The following MAP1A variants were observed in gnomAD, a reference collection of about 807,000 sequenced individuals.
The protein encoded by MAP1A is microtubule associated protein 1A.
In MAP1A, 42 loss-of-function variants were observed where a neutral mutation model predicts 185.9. The observed-to-expected ratio is 0.23, with a 90% CI of 0.18 to 0.29. The LOEUF (loss-of-function observed/expected upper bound fraction) is 0.29, where lower values mean the gene tolerates loss of function less well. Among genes scored for constraint, MAP1A ranks in the 10% least tolerant of loss-of-function variants. The probability of loss-of-function intolerance (pLI) is 1.00; values close to 1 mark genes in which losing one functional copy is unlikely to be tolerated. For synonymous variants in MAP1A, 1,229 were observed against 1,335.9 expected (o/e 0.92, Z 1.74); for missense variants, 2,995 against 3,450.4 (o/e 0.87, Z 3.31).
chr15:43,512,212 C>T, exon 2 of MAP1A: 1 of 1,548,742 alleles, frequency 6.5e-7, no homozygotes, highest in Non-Finnish European at 8.7e-7. Context: ...GGAACATTGA[C>T]CTGTCATCCT....
chr15:43,526,203 A>T lies in MAP1A; in HGVS notation c.4730A>T (p.Gln1577Leu). The T allele has an allele frequency of 6.2e-7, 1 of 1,613,682 alleles. No homozygotes were observed. Among genetic ancestry groups the T allele is most frequent in the Non-Finnish European group, 8.5e-7 (1 of 1,179,928 alleles). ...ATTCAGGCTCTGGAAGAGAACCACCAAACTCAGGAGCAGGAGAGCCTAGTG... is the reference window on the plus strand; with the variant it reads ...ATTCAGGCTCTGGAAGAGAACCACCTAACTCAGGAGCAGGAGAGCCTAGTG... The part of the protein sequence containing the change: ...QNIQALEENH[Q>L]TQEQESLVQE... The change falls in exon 4 of 6, where the codon CAA becomes CTA. Residue 1577 changes from glutamine (Q) to leucine (L), a missense_variant. By Grantham distance (113) the Gln-to-Leu change is moderately radical (BLOSUM62 -2). Transcript: ENST00000300231. This position sits in a 1 kb window ranked among gnomAD's most constrained non-coding sequence, Gnocchi z 4.7.
chr15:43,527,385 A>T lies in MAP1A; in HGVS notation c.5912A>T (p.Tyr1971Phe). The T allele has an allele frequency of 6.2e-7, 1 of 1,614,206 alleles. No homozygotes were observed. The highest frequency in any genetic ancestry group is 8.5e-7 in the Non-Finnish European group (1 of 1,180,010). Reference protein sequence around the residue: ...DERSFQYADIYEQMMLTGLGP... With the variant: ...DERSFQYADIFEQMMLTGLGP... ...AGAAGCTTTCAGTATGCAGACATCT[A>T]TGAGCAGATGATGCTTACTGGGCTT... Residue 1971 changes from tyrosine to phenylalanine, a missense_variant, in exon 4 of 6, where the codon TAT becomes TTT. This residue lies in a region of MAP1A where 2,728 missense variants were observed against 2,986.0 expected (regional missense o/e 0.91). Transcript: ENST00000300231.
At position 43,528,662 on chromosome 15, in the gene MAP1A, G is replaced by C. The variant is rs1249800383; in HGVS notation, c.7189G>C (p.Ala2397Pro). ...GGAACGTGGGGCCTGGCCTGAAGGA[G>C]CTGAGAGGAGCTCCCGGCCTGACAC... ...AWERGAWPEGAERSSRPDTLL... is the reference protein window; with the variant it reads ...AWERGAWPEGPERSSRPDTLL... Residue 2397 changes from alanine (A) to proline (P), a missense_variant, in exon 4 of 6, where the codon GCT becomes CCT. This residue lies in a region of MAP1A where 2,728 missense variants were observed against 2,986.0 expected (regional missense o/e 0.91). Transcript: ENST00000300231. 1 of 1,613,370 alleles carries C rather than the reference G, an allele frequency of 6.2e-7. No individual in the cohort carries two copies. Among genetic ancestry groups the C allele is most frequent in the Non-Finnish European group, 8.5e-7 (1 of 1,179,898 alleles).
At position 43,523,856 on chromosome 15, in the gene MAP1A, C is replaced by G. The variant is rs763543422; in HGVS notation, c.2383C>G (p.Pro795Ala). Residue 795 changes from proline to alanine, a missense_variant, in exon 4 of 6, where the codon CCT becomes GCT. This residue lies in a region of MAP1A where 2,728 missense variants were observed against 2,986.0 expected (regional missense o/e 0.91). Transcript: ENST00000300231. ...CAGCCAACCTGCCGATAGTGCTGTT[C>G]CTGCTACCTCTGGCAAAGTCTATGG... The part of the protein sequence containing the change: ...EASQPADSAV[P>A]ATSGKVYGTP... The G allele has an allele frequency of 1.2e-6, 2 of 1,614,186 alleles. No homozygotes were observed. Among genetic ancestry groups the G allele is most frequent in the Admixed American group, 1.7e-5 (1 of 60,026 alleles).
At chr15:43,511,298 A>G in intron 1 of MAP1A, 1 of 1,183,320 alleles carries the variant, frequency 8.5e-7, no homozygotes. Context: ...TTCAACTACC[A>G]ATGCATACGT....
chr15:43,511,334 T>G, intron 1 of MAP1A: 1 of 837,542 alleles, frequency 1.2e-6, no homozygotes, highest in Non-Finnish European at 1.9e-6. Flanking sequence ...TAGTGTGCAC[T>G]TCCTGAGATC....
chr15:43,525,130 A>C lies in MAP1A; in HGVS notation c.3657A>C (p.Pro1219=). ...SLDVSSKQLS[P]ESLGTLQFGE... ...ATGTCTCTTCTAAGCAGCTCTCTCC[A>C]GAAAGCCTTGGCACCCTCCAGTTTG... The change falls in exon 4 of 6, where the codon CCA becomes CCC. Residue 1219 remains proline, a synonymous_variant. Coordinates refer to ENST00000300231, the MANE Select transcript of MAP1A (RefSeq NM_002373.6). 2 of 1,614,240 alleles carry C rather than the reference A, an allele frequency of 1.2e-6. No homozygotes were observed. The highest frequency in any genetic ancestry group is 1.7e-6 in the Non-Finnish European group (2 of 1,180,044).
chr15:43,520,014 C>T (rs141989949), intron 1 of MAP1A, among the ~76,000 whole-genome samples: 365 of 152,200 alleles, frequency 2.4e-3, no homozygotes, highest in Non-Finnish European at 3.8e-3. Flanking sequence ...CTCTGAGGAA[C>T]CAGAGGACAG....
rs2079368637 is a variant in MAP1A, at chr15:43,530,755, G to A, written c.*531G>A. 1 of 166,048 alleles carries A rather than the reference G, an allele frequency of 6.0e-6. No individual in the cohort carries two copies. Among genetic ancestry groups the A allele is most frequent in the Admixed American group, 5.5e-5 (1 of 18,162 alleles). 10.3% of individuals were successfully genotyped at this position (166,048 alleles called of 1,614,324 possible). On this transcript the variant is annotated 3_prime_UTR_variant, in exon 6 of 6. Coordinates refer to ENST00000300231, the MANE Select transcript of MAP1A (RefSeq NM_002373.6). ...ACCACCAGGGTCTGAGTTCTAGCAG[G>A]GTCCTGGGGGTATCCCACTGCTATA...
At position 43,529,043 on chromosome 15, in the gene MAP1A, T is replaced by C; in HGVS notation, c.7570T>C (p.Ser2524Pro). The C allele has an allele frequency of 6.2e-7, 1 of 1,613,780 alleles. No individual in the cohort carries two copies. Among genetic ancestry groups the C allele is most frequent in the Non-Finnish European group, 8.5e-7 (1 of 1,179,970 alleles). The change falls in exon 4 of 6, where the codon TCC becomes CCC. Residue 2524 changes from serine (S) to proline (P), a missense_variant. By Grantham distance (74) the Ser-to-Pro change is moderately conservative (BLOSUM62 -1). Coordinates refer to ENST00000300231, the MANE Select transcript of MAP1A (RefSeq NM_002373.6). This position sits in a 1 kb window ranked among gnomAD's most constrained non-coding sequence, Gnocchi z 4.3. ...CCCGCCAGAAACTGAGGAGTGTCCG[T>C]CCATCACAGCTGAGGCAGCCCTCGA... ...DVPPETEECP[S>P]ITAEAALDSD...
In MAP1A at chr15:43,530,571, A is replaced by T. The variant is rs2079367900; in HGVS notation, c.*347A>T. On this transcript the variant is annotated 3_prime_UTR_variant, in exon 6 of 6. Coordinates refer to ENST00000300231, the MANE Select transcript of MAP1A (RefSeq NM_002373.6). ...GCAACCTCCTCCCTCGTAGAGGGAG[A>T]TTATATCCCCAACTCCAGGGACCTC... 4.4e-6 allele frequency: 1 copy of T among 226,682 alleles called. No individual in the cohort carries two copies. Among genetic ancestry groups the T allele is most frequent in the Non-Finnish European group, 8.7e-6 (1 of 114,672 alleles). The allele number at this position is 226,682 out of a possible 1,614,324, so 14.0% of individuals were successfully genotyped here.
At chr15:43,515,438 G>C (rs1208136478), upstream of MAP1A, among the ~76,000 whole-genome samples, 2 of 152,158 alleles carry the variant, frequency 1.3e-5, no homozygotes, top group African/African-American at 4.8e-5. Context: ...CATACTGCAG[G>C]CATCTTTAGT....
In MAP1A at chr15:43,528,302, C is replaced by G. The variant is rs149749709; in HGVS notation, c.6829C>G (p.Pro2277Ala). The G allele has an allele frequency of 9.7e-5, 156 of 1,614,112 alleles. No individual in the cohort carries two copies. In the East Asian group the frequency reaches 3.5e-3, roughly 36 times the overall value. Reference protein sequence around the residue: ...VISSVAERFSPSLEAAEQESG... With the variant: ...VISSVAERFSASLEAAEQESG... The stretch of plus-strand genomic sequence containing the variant: ...TTCAAGTGTGGCGGAGCGCTTCTCT[C>G]CAAGCCTTGAGGCTGCAGAACAGGA... The change falls in exon 4 of 6, where the codon CCA becomes GCA. Residue 2277 changes from proline (P) to alanine (A), a missense_variant. This residue lies in a region of MAP1A where 2,728 missense variants were observed against 2,986.0 expected (regional missense o/e 0.91). Transcript: ENST00000300231.
At chr15:43,520,891 G>C in intron 2 of MAP1A, 81 bp from the exon 3 acceptor site, 1 of 1,420,324 alleles carries the variant, frequency 7.0e-7, no homozygotes. Context: ...TTGGGAGCAT[G>C]TTCTTGAGGT....
At position 43,527,606 on chromosome 15, in the gene MAP1A, C is replaced by G; in HGVS notation, c.6133C>G (p.Pro2045Ala). 1.9e-6 allele frequency: 3 copies of G among 1,614,098 alleles called. No homozygotes were observed. Among genetic ancestry groups the G allele is most frequent in the Non-Finnish European group, 2.5e-6 (3 of 1,180,002 alleles). Residue 2045 changes from proline (P) to alanine (A), a missense_variant, in exon 4 of 6, where the codon CCA (proline) becomes GCA (alanine). By Grantham distance (27) the Pro-to-Ala change is conservative. This residue lies in a region of MAP1A where 2,728 missense variants were observed against 2,986.0 expected (regional missense o/e 0.91). Transcript: ENST00000300231. ...YAALAGPTVP[P>A]RPEPGPSMEP... is the part of the protein sequence containing the mutation. Reference sequence around the variant, plus strand: ...AGCCCTGGCAGGACCCACTGTACCCCCAAGGCCAGAGCCAGGGCCAAGTAT... The same window carrying G: ...AGCCCTGGCAGGACCCACTGTACCCGCAAGGCCAGAGCCAGGGCCAAGTAT...
intron 1 of MAP1A, 25 bp from the exon 2 acceptor site, chr15:43,520,616 A>G: frequency 7.1e-7 from 1 of 1,414,654 alleles, no homozygotes; most frequent in Non-Finnish European, 9.8e-7. Context: ...TATTCTCAAT[A>G]TAAATTCCTA....
chr15:43,512,387 G>C (rs986695250), intron 2 of MAP1A: 5 of 768,484 alleles, frequency 6.5e-6, no homozygotes, highest in Middle Eastern at 2.4e-4. Context: ...GGTTTGAGTG[G>C]AGGAGAAGGG....
rs771378341 is a variant in MAP1A at position 43,522,136 on chromosome 15, C to T, written c.663C>T (p.Gly221=). ...AGTTCCTCATGCAAAAGTGGGCAGG[C>T]AATAGTAAAGCCAAGACAGGCATCG... ...EMQFLMQKWA[G]NSKAKTGIVL... Residue 221 remains glycine (G), a synonymous_variant, in exon 4 of 6, where the codon GGC becomes GGT. Coordinates refer to ENST00000300231, the MANE Select transcript of MAP1A (RefSeq NM_002373.6). The surrounding 1 kb of genome is among the most constrained non-coding windows in gnomAD (Gnocchi z 5.9). 11 of 1,614,062 alleles carry T rather than the reference C, an allele frequency of 6.8e-6. No individual in the cohort carries two copies. In the East Asian group the frequency reaches 2.2e-4, roughly 33 times the overall value.
intron 2 of MAP1A, among the ~76,000 whole-genome samples, chr15:43,512,602 T>A (rs958039472): frequency 2.6e-5 from 4 of 152,184 alleles, no homozygotes; most frequent in Non-Finnish European, 2.9e-5. Flanking sequence ...ACGCAAAAAT[T>A]CACTCTCTTC....
Sources: gnomAD v4.1 joint callset for allele counts (sites outside exome capture counted in the v4.1 genomes callset) on GRCh38, gnomAD v4.1.1 for gene constraint, gnomAD v4.1.1 regional missense constraint, Gnocchi (gnomAD v3.1) non-coding constraint, MANE v1.5 for transcripts, NCBI Gene and HGNC (gene_info 2026-07-23, HGNC 2026-07-21) for gene names.